The following GABRB1 variants were observed in gnomAD, a reference collection of about 807,000 sequenced individuals.
The protein encoded by GABRB1 is gamma-aminobutyric acid receptor subunit beta-1.
A neutral mutation model predicts 51.6 loss-of-function variants in GABRB1; 17 were observed. That is an observed-to-expected ratio of 0.33 (90% CI 0.23 to 0.49). The LOEUF is 0.49. Ranked by LOEUF, GABRB1 falls within the 20% of genes least tolerant of loss-of-function variation. The pLI is 0.99. For missense variants in GABRB1, 410 were observed against 600.6 expected (o/e 0.68, Z 3.32); for synonymous variants, 247 against 218.9 (o/e 1.13, Z -1.14).
intron 4 of GABRB1, among the ~76,000 whole-genome samples, chr4:47,291,120 G>A (rs1340269381): frequency 6.6e-6 from 1 of 152,136 alleles, no homozygotes; most frequent in Non-Finnish European, 1.5e-5. Context: ...ACGGGCCCAG[G>A]GTCCCCCACT....
intron 3 of GABRB1, among the ~76,000 whole-genome samples, chr4:47,128,865 C>T (rs988943399): frequency 6.6e-6 from 1 of 151,992 alleles, no homozygotes; most frequent in African/African-American, 2.4e-5. Context: ...TCACACCACC[C>T]TGAGCTTGAT....
At chr4:47,373,495 A>C (rs1033737429) in intron 5 of GABRB1, among the ~76,000 whole-genome samples, 10 of 152,312 alleles carry the variant, frequency 6.6e-5, no homozygotes, top group Admixed American at 3.9e-4. Context: ...AGAGCAATAC[A>C]TCTGTATACC....
At chr4:47,299,328 G>A (rs1473205124) in intron 4 of GABRB1, among the ~76,000 whole-genome samples, 8 of 151,990 alleles carry the variant, frequency 5.3e-5, no homozygotes, top group African/African-American at 9.7e-5. Context: ...GAAAATTTTC[G>A]CAACCTACTC....
intron 3 of GABRB1, among the ~76,000 whole-genome samples, chr4:47,081,004 TC>T (rs1292964909): frequency 6.6e-6 from 1 of 152,138 alleles, no homozygotes; most frequent in Non-Finnish European, 1.5e-5. Flanking sequence ...ATATTTTGAA[TC>T]CAGAATCTGG....
intron 3 of GABRB1, among the ~76,000 whole-genome samples, chr4:47,039,996 T>A (rs1274057519): frequency 6.6e-6 from 1 of 152,210 alleles, no homozygotes; most frequent in African/African-American, 2.4e-5. Flanking sequence ...GTAATAGTTA[T>A]TCATCTTGGA....
intron 4 of GABRB1, among the ~76,000 whole-genome samples, chr4:47,244,571 G>C (rs1489895871): frequency 6.6e-6 from 1 of 152,046 alleles, no homozygotes; most frequent in Non-Finnish European, 1.5e-5. Context: ...GCCTGCTATT[G>C]GTGTATTCAG....
intron 4 of GABRB1, among the ~76,000 whole-genome samples, chr4:47,282,877 G>A (rs1229173980): frequency 1.3e-5 from 2 of 152,164 alleles, no homozygotes; most frequent in African/African-American, 4.8e-5. Flanking sequence ...ATAGAAAGGT[G>A]GCCATGGTAC....
At chr4:47,012,793 A>G (rs2109441863) in intron 1 of GABRB1, among the ~76,000 whole-genome samples, 1 of 152,288 alleles carries the variant, frequency 6.6e-6, no homozygotes, top group Admixed American at 6.5e-5. Flanking sequence ...GGAAAAGGAG[A>G]GAAAACACAT....
chr4:47,359,637 T>C (rs1408157441), intron 5 of GABRB1, among the ~76,000 whole-genome samples: 1 of 152,098 alleles, frequency 6.6e-6, no homozygotes, highest in Non-Finnish European at 1.5e-5. Flanking sequence ...ATAAGACAAT[T>C]CTGGGGATTA....
intron 4 of GABRB1, among the ~76,000 whole-genome samples, chr4:47,221,459 G>C (rs1354983443): frequency 1.3e-5 from 2 of 151,646 alleles, no homozygotes; most frequent in African/African-American, 2.4e-5. Flanking sequence ...GTTCACCTGG[G>C]GCTTGCCACA....
chr4:47,328,701 G>C (rs1725347228), intron 5 of GABRB1, among the ~76,000 whole-genome samples: 1 of 152,038 alleles, frequency 6.6e-6, no homozygotes, highest in African/African-American at 2.4e-5. Context: ...CTCACTCATA[G>C]GTGGGAATGG....
intron 4 of GABRB1, among the ~76,000 whole-genome samples, chr4:47,245,654 A>G (rs1166353309): frequency 6.6e-6 from 1 of 152,142 alleles, no homozygotes; most frequent in African/African-American, 2.4e-5. Flanking sequence ...GAAGAAAAGT[A>G]AACCATAGGG....
rs1325224030 is a variant in GABRB1, at chr4:47,049,117, A to G, written c.240+16633A>G. Among the ~76,000 whole-genome samples, 4 of 151,914 alleles carry G rather than the reference A, an allele frequency of 2.6e-5. No individual in the cohort carries two copies. The East Asian group carries it at 7.7e-4, about 29-fold the overall frequency. Reference sequence around the variant, plus strand: ...GAGGGAGTTTTTCGGTGCAAATCCAAGTTTTCGTTGCTCCCTCCTTTGGCA... The same window carrying G: ...GAGGGAGTTTTTCGGTGCAAATCCAGGTTTTCGTTGCTCCCTCCTTTGGCA... On this transcript the variant is annotated intron_variant, in intron 3 of 8. Coordinates refer to ENST00000295454, the MANE Select transcript of GABRB1 (RefSeq NM_000812.4).
chr4:47,346,020 G>T (rs1726075126), intron 5 of GABRB1, among the ~76,000 whole-genome samples: 1 of 149,644 alleles, frequency 6.7e-6, no homozygotes, highest in African/African-American at 2.5e-5. Flanking sequence ...TCTTTGTTCT[G>T]TGGTATAAAG....
At chr4:47,332,016 A>G (rs1200371604) in intron 5 of GABRB1, among the ~76,000 whole-genome samples, 1 of 152,178 alleles carries the variant, frequency 6.6e-6, no homozygotes. Context: ...GGGTGGTTTT[A>G]GGTGTACTCT....
intron 4 of GABRB1, among the ~76,000 whole-genome samples, chr4:47,302,362 A>G (rs571701103): frequency 6.6e-6 from 1 of 152,150 alleles, no homozygotes; most frequent in South Asian, 2.1e-4. Context: ...TGTTATTTTT[A>G]CTTATTTTTA....
At chr4:47,058,225 G>C (rs987503227) in intron 3 of GABRB1, among the ~76,000 whole-genome samples, 1 of 152,046 alleles carries the variant, frequency 6.6e-6, no homozygotes, top group African/African-American at 2.4e-5. Flanking sequence ...CAGAAGGGTC[G>C]GTCCATCATC....
At chr4:47,082,871 G>A (rs1345046295) in intron 3 of GABRB1, among the ~76,000 whole-genome samples, 1 of 152,040 alleles carries the variant, frequency 6.6e-6, no homozygotes, top group Non-Finnish European at 1.5e-5. Context: ...TATAAATAAA[G>A]TCATTCTGAA....
At chr4:47,148,395 C>T (rs898451426) in intron 3 of GABRB1, among the ~76,000 whole-genome samples, 1 of 152,060 alleles carries the variant, frequency 6.6e-6, no homozygotes. Flanking sequence ...TAAGTTTACG[C>T]TCATCCTTTA....
Sources: gnomAD v4.1 joint callset for allele counts (sites outside exome capture counted in the v4.1 genomes callset) on GRCh38, gnomAD v4.1.1 for gene constraint, MANE v1.5 for transcripts, NCBI Gene and HGNC (gene_info 2026-07-23, HGNC 2026-07-21) for gene names.